INTS2: variants seen among roughly 807,000 people sequenced by gnomAD.
The protein encoded by INTS2 is integrator complex subunit 2, also known as KIAA1287.
Under a neutral mutation model 139.6 loss-of-function variants are expected in INTS2, and 57 were observed. The ratio of observed to expected loss-of-function variants is 0.41; its 90% CI spans 0.33 to 0.51. The LOEUF (loss-of-function observed/expected upper bound fraction) is 0.51. Among genes scored for constraint, INTS2 ranks in the 20% least tolerant of loss-of-function variants. The probability of loss-of-function intolerance (pLI) is 0.28; values close to 1 mark genes in which losing one functional copy is unlikely to be tolerated. For synonymous variants in INTS2, 473 were observed against 493.4 expected (o/e 0.96, Z 0.55); for missense variants, 1,196 against 1,436.7 (o/e 0.83, Z 2.71).
chr17:61,878,058 T>C lies in INTS2; in HGVS notation c.2285A>G (p.Gln762Arg). 2.5e-6 allele frequency: 4 copies of C among 1,612,524 alleles called. No individual in the cohort carries two copies. The highest frequency in any genetic ancestry group is 3.4e-6 in the Non-Finnish European group (4 of 1,178,552). ...AFSAVPVNNT[Q>R]VMQIIEHLTL... ...CAAGTGTTCTATAATCTGCATCACT[T>C]GTGTGTTATTTACTGGGACAGCTGA... Residue 762 changes from glutamine to arginine, a missense_variant, in exon 18 of 25, where the codon CAA becomes CGA. Coordinates refer to ENST00000251334, the MANE Select transcript of INTS2 (RefSeq NM_001351695.2).
chr17:61,891,627 C>T lies in INTS2; in HGVS notation c.1761G>A (p.Leu587=). ...GTATAGAATTTATGTACACATCAAT[C>T]AAAGGAAGTAATTGAGGATGAAGTG... is the stretch of plus-strand genomic sequence containing the variant. ...STPLHPQLLP[L]IDVYINSILT... Residue 587 remains leucine (L), a synonymous_variant, in exon 14 of 25, where the codon TTG becomes TTA. Transcript: ENST00000251334. 1 of 1,612,362 alleles carries T rather than the reference C, an allele frequency of 6.2e-7. No individual in the cohort carries two copies. The highest frequency in any genetic ancestry group is 8.5e-7 in the Non-Finnish European group (1 of 1,178,578).
chr17:61,906,806 G>A (rs1478337829), intron 8 of INTS2, among the ~76,000 whole-genome samples: 1 of 135,928 alleles, frequency 7.4e-6, no homozygotes, highest in African/African-American at 2.8e-5. Flanking sequence ...CCAACATGGT[G>A]AAACCCCGTC....
chr17:61,913,220 C>T (rs2079545708), intron 5 of INTS2, among the ~76,000 whole-genome samples: 3 of 151,858 alleles, frequency 2.0e-5, no homozygotes, highest in South Asian at 4.2e-4. Flanking sequence ...TGACTATAGT[C>T]CCAGCTACCC....
intron 7 of INTS2, chr17:61,910,398 C>T (rs1057324628): frequency 6.6e-6 from 1 of 152,114 alleles, no homozygotes; most frequent in Non-Finnish European, 1.5e-5. Context: ...GAGTTCTAGA[C>T]CAGCCTGACC....
chr17:61,871,713 C>T lies in INTS2; in HGVS notation c.2778+552G>A, dbSNP rs1373572565. Among the ~76,000 whole-genome samples the T allele has an allele frequency of 6.6e-6, 1 of 151,986 alleles. No homozygotes were observed. Among genetic ancestry groups the T allele is most frequent in the African/African-American group, 2.4e-5 (1 of 41,398 alleles). On this transcript the variant is annotated intron_variant, in intron 20 of 24. Coordinates refer to ENST00000251334, the MANE Select transcript of INTS2 (RefSeq NM_001351695.2). The surrounding 1 kb of genome is among the most constrained non-coding windows in gnomAD (Gnocchi z 4.9). ...CTTTGGGAAGCTGAGGTGGGTGGAT[C>T]ACCTCAAGTTAGGAGTTCAACACAA...
chr17:61,906,963 CAAAAAAAA>C (rs34773307), intron 8 of INTS2, among the ~76,000 whole-genome samples: 1 of 80,206 alleles, frequency 1.2e-5, no homozygotes, highest in African/African-American at 4.6e-5. Context: ...GATTCCATCT[CAAAAAAAA>C]AAAAAAAAAA....
Position 61,878,928 on chromosome 17 carries a change from C to T in INTS2, c.2255-840G>A, listed in dbSNP as rs571767226. On this transcript the variant is annotated intron_variant, in intron 17 of 24. Transcript: ENST00000251334. ...CTTGAGACTGGGCAACAGACCCTGTCTCCAAAAAAAAAAAAAAAAAAAAAA... is the reference window on the plus strand; with the variant it reads ...CTTGAGACTGGGCAACAGACCCTGTTTCCAAAAAAAAAAAAAAAAAAAAAA... Among the ~76,000 whole-genome samples, 79 of 44,598 alleles carry T rather than the reference C, an allele frequency of 1.8e-3. No homozygotes were observed. The African/African-American group carries it at 0.021, about 12-fold the overall frequency. 29.3% of individuals were successfully genotyped at this position (44,598 alleles called of 152,430 possible).
intron 9 of INTS2, 58 bp downstream of exon 9, chr17:61,904,402 T>G: frequency 1.6e-6 from 2 of 1,249,006 alleles, no homozygotes; most frequent in Admixed American, 4.4e-5. Flanking sequence ...CTATACAATT[T>G]TATTGAGTAA....
At chr17:61,911,052 T>A (rs2143105258) in intron 7 of INTS2, 1 of 160,528 alleles carries the variant, frequency 6.2e-6, no homozygotes, top group Admixed American at 6.4e-5. Flanking sequence ...AAATATGTTA[T>A]GTTCACATTT....
chr17:61,895,237 A>G, intron 12 of INTS2, 78 bp downstream of exon 12: 1 of 732,152 alleles, frequency 1.4e-6, no homozygotes, highest in Non-Finnish European at 2.3e-6. Context: ...TATTTTCTTA[A>G]GGTAAGACAC....
chr17:61,896,239 CAA>C (rs1197473910), intron 11 of INTS2, among the ~76,000 whole-genome samples: 6 of 45,120 alleles, frequency 1.3e-4, no homozygotes, highest in Non-Finnish European at 2.3e-4. Flanking sequence ...GACTCCATCT[CAA>C]AAAAAAAAAA....
At position 61,919,395 on chromosome 17, in the gene INTS2, T is replaced by C; in HGVS notation, c.649+5A>G. Reference sequence around the variant, plus strand: ...TTCAATATACCATATTAGAATCATATTTACCTTCATTAAAACTATCAGGAA... The same window carrying C: ...TTCAATATACCATATTAGAATCATACTTACCTTCATTAAAACTATCAGGAA... On this transcript the variant is annotated splice_donor_5th_base_variant and intron_variant, in intron 5 of 24. Coordinates refer to ENST00000251334, the MANE Select transcript of INTS2 (RefSeq NM_001351695.2). The C allele has an allele frequency of 7.0e-7, 1 of 1,437,886 alleles. No individual in the cohort carries two copies. The highest frequency in any genetic ancestry group is 1.2e-5 in the South Asian group (1 of 82,892). The allele number at this position is 1,437,886 out of a possible 1,614,324, so 89.1% of individuals were successfully genotyped here.
intron 5 of INTS2, among the ~76,000 whole-genome samples, chr17:61,916,385 G>A (rs7207787): frequency 0.37 from 55,801 of 151,964 alleles, 12,487 homozygotes; most frequent in East Asian, 0.77. Flanking sequence ...GTGAGCCAAG[G>A]TCGCACCCCT....
Position 61,927,909 on chromosome 17 carries a change from A to G in INTS2, c.-274T>C, listed in dbSNP as rs1185648271. ...GGGACTGTAGGAACGGAAAAGCGGG[A>G]GACTTTTTCAACCTGCACCCAGCAC... On this transcript the variant is annotated 5_prime_UTR_variant, in exon 1 of 25. Transcript: ENST00000251334. The G allele has an allele frequency of 1.2e-6, 2 of 1,613,960 alleles. No individual in the cohort carries two copies. The highest frequency in any genetic ancestry group is 1.7e-6 in the Non-Finnish European group (2 of 1,179,882).
chr17:61,888,052 A>G (rs1262363309), intron 15 of INTS2, among the ~76,000 whole-genome samples: 1 of 148,174 alleles, frequency 6.7e-6, no homozygotes, highest in Non-Finnish European at 1.5e-5. Flanking sequence ...ATTTTGTCTC[A>G]AAAAAAAAAG....
chr17:61,915,816 T>TAAAAA (rs1193639396), intron 5 of INTS2, among the ~76,000 whole-genome samples: 2 of 64,176 alleles, frequency 3.1e-5, no homozygotes, highest in South Asian at 6.9e-4. Flanking sequence ...AGACTCTGTC[T>TAAAAA]AAAAAAAAAA....
chr17:61,900,787 A>G (rs1016390025), intron 9 of INTS2, among the ~76,000 whole-genome samples: 1 of 151,742 alleles, frequency 6.6e-6, no homozygotes, highest in Admixed American at 6.6e-5. Context: ...GAGAAACCCC[A>G]TCTCCACTAA....
intron 4 of INTS2, among the ~76,000 whole-genome samples, chr17:61,920,383 T>C (rs1329641470): frequency 2.0e-5 from 3 of 151,556 alleles, no homozygotes; most frequent in Non-Finnish European, 4.4e-5. Flanking sequence ...GGTTTCACCA[T>C]GTTGACCTGG....
At chr17:61,920,091 G>A (rs1040987569) in intron 4 of INTS2, among the ~76,000 whole-genome samples, 1 of 151,236 alleles carries the variant, frequency 6.6e-6, no homozygotes, top group Non-Finnish European at 1.5e-5. Flanking sequence ...CAGCCACAAA[G>A]AACACTGGAC....
Sources: gnomAD v4.1 joint callset for allele counts (sites outside exome capture counted in the v4.1 genomes callset) on GRCh38, gnomAD v4.1.1 for gene constraint, Gnocchi (gnomAD v3.1) non-coding constraint, MANE v1.5 for transcripts, NCBI Gene and HGNC (gene_info 2026-07-23, HGNC 2026-07-21) for gene names.